The following ARHGEF7 variants were observed in gnomAD, a reference collection of about 807,000 sequenced individuals.
ARHGEF7 encodes Rho guanine nucleotide exchange factor 7.
Under a neutral mutation model 109.8 loss-of-function variants are expected in ARHGEF7, and 33 were observed. The observed-to-expected ratio is 0.30, with a 90% confidence interval of 0.23 to 0.40. ARHGEF7 has a LOEUF of 0.40. ARHGEF7 is among the 10% of genes least tolerant of loss of function. ARHGEF7 has a pLI of 1.00. For synonymous variants in ARHGEF7, 458 were observed against 424.6 expected (o/e 1.08, Z -0.97); for missense variants, 938 against 1,098.5 (o/e 0.85, Z 2.07).
At chr13:111,125,587 A>G (rs546603876) in intron 1 of ARHGEF7, among the ~76,000 whole-genome samples, 4 of 152,358 alleles carry the variant, frequency 2.6e-5, no homozygotes, top group African/African-American at 9.6e-5. Context: ...TTGTTCTGAC[A>G]GTGTGATCTA....
At chr13:111,141,483 G>A (rs1264784650) in intron 1 of ARHGEF7, among the ~76,000 whole-genome samples, 4 of 152,072 alleles carry the variant, frequency 2.6e-5, no homozygotes, top group African/African-American at 9.7e-5. Flanking sequence ...CCCTGGGTGT[G>A]CCCCCTTCAG....
intron 2 of ARHGEF7, among the ~76,000 whole-genome samples, chr13:111,194,364 A>T (rs2080253259): frequency 6.6e-6 from 1 of 151,984 alleles, no homozygotes; most frequent in African/African-American, 2.4e-5. Flanking sequence ...GGTCTCCTTG[A>T]TTAGAGTATG....
chr13:111,238,413 T>TA (rs2087144937), intron 6 of ARHGEF7, among the ~76,000 whole-genome samples: 3 of 152,096 alleles, frequency 2.0e-5, no homozygotes, highest in Admixed American at 6.5e-5. Flanking sequence ...TGCTGGACCT[T>TA]AGAGGTTTTT....
At chr13:111,148,608 T>C (rs769243929) in intron 1 of ARHGEF7, among the ~76,000 whole-genome samples, 2 of 152,226 alleles carry the variant, frequency 1.3e-5, no homozygotes, top group African/African-American at 2.4e-5. Flanking sequence ...TCCCATCTCC[T>C]CTCTCATGAT....
At chr13:111,197,185 C>T (rs1410673453) in intron 2 of ARHGEF7, among the ~76,000 whole-genome samples, 1 of 151,612 alleles carries the variant, frequency 6.6e-6, no homozygotes, top group Non-Finnish European at 1.5e-5. Flanking sequence ...CACCTCTTGC[C>T]CAAGAACCCT....
At chr13:111,201,211 C>T (rs1052036787) in intron 2 of ARHGEF7, among the ~76,000 whole-genome samples, 7 of 152,212 alleles carry the variant, frequency 4.6e-5, no homozygotes, top group Non-Finnish European at 1.0e-4. Flanking sequence ...GATAGTTTCT[C>T]TGCGTCTCAC....
intron 5 of ARHGEF7, among the ~76,000 whole-genome samples, chr13:111,232,259 A>G (rs1449933362): frequency 1.3e-5 from 2 of 152,098 alleles, no homozygotes; most frequent in African/African-American, 4.8e-5. Context: ...CCATAGAACC[A>G]GTGATGGACG....
Position 111,283,339 on chromosome 13 carries a change from C to A in ARHGEF7, c.1926C>A (p.Pro642=). 1 of 1,550,382 alleles carries A rather than the reference C, an allele frequency of 6.5e-7. No individual in the cohort carries two copies. Among genetic ancestry groups the A allele is most frequent in the Non-Finnish European group, 8.7e-7 (1 of 1,151,650 alleles). The change falls in exon 16 of 22, where the codon CCC becomes CCA. Residue 642 remains proline (P), a synonymous_variant. Coordinates refer to ENST00000646102, the MANE Select transcript of ARHGEF7 (RefSeq NM_001354046.2). The stretch of plus-strand genomic sequence containing the variant: ...TGCGGCCCGCGCCTCCCCTCCGGCC[C>A]TCAGCTGCTCTCTGCTACAAGGAGG... ...SCLRPAPPLR[P]SAALCYKEDL...
rs537777168 is a variant in ARHGEF7 at position 111,141,955 on chromosome 13, C to T, written c.166-11950C>T. The stretch of plus-strand genomic sequence containing the variant: ...TTTGCATTCCCACCAGCAATGAATG[C>T]GAGTTCCACTGCTCCACATTCTTGC... On this transcript the variant is annotated intron_variant, in intron 1 of 21. Coordinates refer to ENST00000646102, the MANE Select transcript of ARHGEF7 (RefSeq NM_001354046.2). Among the ~76,000 whole-genome samples the T allele has an allele frequency of 1.1e-4, 17 of 152,318 alleles. No individual in the cohort carries two copies. The East Asian group carries it at 1.2e-3, about 10-fold the overall frequency.
intron 2 of ARHGEF7, among the ~76,000 whole-genome samples, chr13:111,189,911 G>T (rs1210047671): frequency 2.6e-5 from 4 of 152,154 alleles, no homozygotes; most frequent in South Asian, 2.1e-4. Context: ...GTCCCCACCC[G>T]ACCCAGAAGC....
At chr13:111,301,201 G>A (rs1328690835) in intron 20 of ARHGEF7, among the ~76,000 whole-genome samples, 6 of 152,036 alleles carry the variant, frequency 3.9e-5, no homozygotes, top group African/African-American at 9.7e-5. Flanking sequence ...TGCCCGCCTC[G>A]GCCTCCCAAA....
intron 5 of ARHGEF7, among the ~76,000 whole-genome samples, chr13:111,224,077 G>A (rs1322470769): frequency 6.6e-6 from 1 of 152,088 alleles, no homozygotes; most frequent in Non-Finnish European, 1.5e-5. Context: ...GGCTGGCCTC[G>A]AACACCTGAC....
In ARHGEF7 at chr13:111,287,250, A is replaced by G. The variant is rs142725713; in HGVS notation, c.2044+1010A>G. On this transcript the variant is annotated intron_variant, in intron 17 of 21. Transcript: ENST00000646102. ...CACCAGGGCCCCTGATGAGATGGTG[A>G]GGCCCTGGGGTCTAGTGATTGAAGT... Among the ~76,000 whole-genome samples the G allele has an allele frequency of 3.0e-3, 463 of 152,318 alleles. 1 individual carries two copies. The highest frequency in any genetic ancestry group is 0.011 in the South Asian group (54 of 4,828).
intron 1 of ARHGEF7, among the ~76,000 whole-genome samples, chr13:111,121,857 G>T (rs2067223918): frequency 6.6e-6 from 1 of 152,104 alleles, no homozygotes; most frequent in Non-Finnish European, 1.5e-5. Flanking sequence ...AAAATGAGAT[G>T]AATGATATCC....
intron 5 of ARHGEF7, among the ~76,000 whole-genome samples, chr13:111,230,308 T>C (rs1277955628): frequency 6.6e-6 from 1 of 152,216 alleles, no homozygotes; most frequent in Non-Finnish European, 1.5e-5. Flanking sequence ...AAAATGCTGC[T>C]TTTCTTAGGA....
At chr13:111,173,626 C>A (rs1001015134) in intron 2 of ARHGEF7, among the ~76,000 whole-genome samples, 2 of 152,146 alleles carry the variant, frequency 1.3e-5, no homozygotes, top group Non-Finnish European at 2.9e-5. Context: ...AGGAGGTTGG[C>A]AATTTGGAAA....
In ARHGEF7 at chr13:111,273,451, A is replaced by C. The variant is rs761455818; in HGVS notation, c.1074-363A>C. 1.3e-5 allele frequency among the ~76,000 whole-genome samples: 2 copies of C among 151,982 alleles called. No homozygotes were observed. The highest frequency in any genetic ancestry group is 2.9e-5 in the Non-Finnish European group (2 of 67,980). On this transcript the variant is annotated intron_variant, in intron 9 of 21. Coordinates refer to ENST00000646102, the MANE Select transcript of ARHGEF7 (RefSeq NM_001354046.2). The surrounding 1 kb of genome is among the most constrained non-coding windows in gnomAD (Gnocchi z 4.5). ...TCGGTCCTTGTTCTACCACCTTGAG[A>C]CTCTGAGATTATTGGAATCCATTCT...
chr13:111,211,659 C>T lies in ARHGEF7; in HGVS notation c.468+1657C>T, dbSNP rs531743257. Reference sequence around the variant, plus strand: ...TGGAATGTGCAAGACCTCTCTCAGCCATGCTAGGTAAGAATGAATGTTTCT... The same window carrying T: ...TGGAATGTGCAAGACCTCTCTCAGCTATGCTAGGTAAGAATGAATGTTTCT... On this transcript the variant is annotated intron_variant, in intron 4 of 21. Coordinates refer to ENST00000646102, the MANE Select transcript of ARHGEF7 (RefSeq NM_001354046.2). 4.6e-5 allele frequency among the ~76,000 whole-genome samples: 7 copies of T among 152,314 alleles called. No individual in the cohort carries two copies. The South Asian group carries it at 1.5e-3, about 32-fold the overall frequency.
chr13:111,287,591 G>T (rs1372060139), intron 17 of ARHGEF7, among the ~76,000 whole-genome samples: 1 of 152,230 alleles, frequency 6.6e-6, no homozygotes, highest in Non-Finnish European at 1.5e-5. Flanking sequence ...GACCCAGTGG[G>T]GAGGACAGGT....
Sources: gnomAD v4.1 joint callset for allele counts (sites outside exome capture counted in the v4.1 genomes callset) on GRCh38, gnomAD v4.1.1 for gene constraint, Gnocchi (gnomAD v3.1) non-coding constraint, MANE v1.5 for transcripts, NCBI Gene and HGNC (gene_info 2026-07-23, HGNC 2026-07-21) for gene names.